The following RUNX1T1 variants were observed in gnomAD, a reference collection of about 807,000 sequenced individuals.
The protein encoded by RUNX1T1 is RUNX1 partner transcriptional co-repressor 1.
Under a neutral mutation model 62.8 loss-of-function variants are expected in RUNX1T1, and 4 were observed. That is an observed-to-expected ratio of 0.06 (90% CI 0.03 to 0.15). The LOEUF (loss-of-function observed/expected upper bound fraction) is 0.15, where lower values mean the gene tolerates loss of function less well. Ranked by LOEUF, RUNX1T1 falls within the 10% of genes least tolerant of loss-of-function variation. RUNX1T1 has a pLI of 1.00. For missense variants in RUNX1T1, 508 were observed against 754.3 expected, an observed-to-expected ratio of 0.67 and a Z score of 3.82; for synonymous variants, 291 against 286.0, an observed-to-expected ratio of 1.02 and a Z score of -0.18.
At chr8:92,088,953 G>A (rs536258579) in intron 1 of RUNX1T1, among the ~76,000 whole-genome samples, 1 of 152,266 alleles carries the variant, frequency 6.6e-6, no homozygotes, top group African/African-American at 2.4e-5. Context: ...TTGTGGCAAA[G>A]AACTTCAATT....
rs546007384 is a variant in RUNX1T1 at position 91,965,869 on chromosome 8, G to A, written c.1458+4789C>T. ...TTTTTCTTCTCCGTTTTCCTCTTTC[G>A]TTCTTACATAGACACACTGCTCATT... On this transcript the variant is annotated intron_variant, in intron 10 of 10. Coordinates refer to ENST00000396218, the Ensembl canonical transcript of RUNX1T1. Among the ~76,000 whole-genome samples the A allele has an allele frequency of 6.6e-5, 10 of 151,794 alleles. No homozygotes were observed. In the South Asian group the frequency reaches 8.3e-4, roughly 13 times the overall value.
At chr8:91,994,755 ACTT>A (rs973242320) in intron 5 of RUNX1T1, 2 of 326,874 alleles carry the variant, frequency 6.1e-6, no homozygotes, top group Non-Finnish European at 1.2e-5. Flanking sequence ...AGAGGAACCC[ACTT>A]CTTATTATTT....
chr8:92,083,868 G>C (rs562211410), intron 1 of RUNX1T1, among the ~76,000 whole-genome samples: 1 of 152,286 alleles, frequency 6.6e-6, no homozygotes, highest in South Asian at 2.1e-4. Context: ...ATCAATGACA[G>C]ACCGGATAAA....
exon 3 of RUNX1T1, chr8:92,014,694 C>A (rs779269156): frequency 6.2e-7 from 1 of 1,614,088 alleles, no homozygotes; most frequent in South Asian, 1.1e-5. Flanking sequence ...CCTGGCACCA[C>A]AGGCTGGGGG....
At chr8:91,994,000 CA>C (rs1409921679) in intron 5 of RUNX1T1, among the ~76,000 whole-genome samples, 2 of 151,902 alleles carry the variant, frequency 1.3e-5, no homozygotes, top group African/African-American at 4.8e-5. Context: ...CTTAAAACAA[CA>C]ACAACAACAA....
At chr8:91,956,531 G>T (rs912752343), downstream of RUNX1T1, 17 of 220,420 alleles carry the variant, frequency 7.7e-5, no homozygotes, top group Admixed American at 5.8e-5. Flanking sequence ...ACACAGTAAA[G>T]AATACAACAA....
chr8:92,078,788 T>A (rs191247137), intron 1 of RUNX1T1, among the ~76,000 whole-genome samples: 7 of 152,320 alleles, frequency 4.6e-5, no homozygotes, highest in Admixed American at 4.6e-4. Context: ...ACAGAAAACC[T>A]TAATCACAGA....
intron 9 of RUNX1T1, among the ~76,000 whole-genome samples, chr8:91,974,677 C>T (rs926282268): frequency 2.6e-5 from 4 of 152,104 alleles, no homozygotes; most frequent in Admixed American, 6.6e-5. Context: ...ATGACTATTA[C>T]AGTAAATCTG....
chr8:92,027,302 C>G (rs1397677777), intron 1 of RUNX1T1, among the ~76,000 whole-genome samples: 1 of 152,076 alleles, frequency 6.6e-6, no homozygotes, highest in African/African-American at 2.4e-5. Flanking sequence ...TTAGAAAGCT[C>G]AGTTATAAAA....
chr8:92,068,840 CAT>C (rs1391900336), intron 2 of RUNX1T1, among the ~76,000 whole-genome samples: 1 of 152,162 alleles, frequency 6.6e-6, no homozygotes, highest in Non-Finnish European at 1.5e-5. Flanking sequence ...CCTATGAATA[CAT>C]GAGATACCTT....
intron 1 of RUNX1T1, chr8:92,095,641 G>GACAGGCAGGAGGTAAGGAGAGAC: frequency 7.9e-7 from 1 of 1,273,546 alleles, no homozygotes. Context: ...GACAGAAAGG[G>GACAGGCAGGAGGTAAGGAGAGAC]ACAGGCAGGA....
downstream of RUNX1T1, chr8:91,957,021 A>ACAGTCT (rs899240499): frequency 4.6e-6 from 1 of 217,476 alleles, no homozygotes; most frequent in Non-Finnish European, 9.2e-6. Flanking sequence ...CCTGTCACAC[A>ACAGTCT]CAGTCTCATG....
At chr8:92,047,103 A>T (rs981438779) in intron 1 of RUNX1T1, among the ~76,000 whole-genome samples, 4 of 151,894 alleles carry the variant, frequency 2.6e-5, no homozygotes, top group African/African-American at 9.7e-5. Context: ...GCCTTCAAGA[A>T]CCCTCCATGA....
upstream of RUNX1T1, among the ~76,000 whole-genome samples, chr8:92,102,272 A>G (rs941206949): frequency 1.8e-4 from 27 of 152,290 alleles, no homozygotes; most frequent in African/African-American, 5.8e-4. This position sits in a 1 kb window ranked among gnomAD's most constrained non-coding sequence, Gnocchi z 4.5. Context: ...GAAAGTTCGC[A>G]GGCAGGCGCA....
upstream of RUNX1T1, among the ~76,000 whole-genome samples, chr8:92,065,468 AT>A (rs1563884691): frequency 6.6e-6 from 1 of 152,224 alleles, no homozygotes; most frequent in Non-Finnish European, 1.5e-5. Flanking sequence ...AACACAGTCC[AT>A]TTTTAAGGCA....
Position 91,976,059 on chromosome 8 carries a change from T to C in RUNX1T1, c.1199-86A>G, listed in dbSNP as rs1335226516. The stretch of plus-strand genomic sequence containing the variant: ...CATCGCACAGAGTGAAAGTAAGCAA[T>C]GCCCATTCTCCTGGCTTCTCTACAA... On this transcript the variant is annotated intron_variant, in intron 8 of 10. Transcript: ENST00000396218. 6 of 915,296 alleles carry C rather than the reference T, an allele frequency of 6.6e-6. No homozygotes were observed. In the African/African-American group the frequency reaches 8.2e-5, roughly 13 times the overall value. 56.7% of individuals were successfully genotyped at this position (915,296 alleles called of 1,614,324 possible). A position where few individuals can be genotyped will look rare whatever the true frequency, so the allele number is the denominator to read the frequency against.
At chr8:92,046,101 C>G (rs1014201648) in intron 1 of RUNX1T1, among the ~76,000 whole-genome samples, 1 of 152,038 alleles carries the variant, frequency 6.6e-6, no homozygotes, top group Admixed American at 6.5e-5. Context: ...CCCTACCTGC[C>G]GACTCATGTA....
At chr8:91,963,183 T>C (rs1810882980) in intron 10 of RUNX1T1, among the ~76,000 whole-genome samples, 1 of 152,200 alleles carries the variant, frequency 6.6e-6, no homozygotes, top group South Asian at 2.1e-4. Context: ...TTGCATAGTA[T>C]TGTCTGGTTC....
rs7822933 is a variant in RUNX1T1 at position 91,999,739 on chromosome 8, T to C, written c.659+5377A>G. On this transcript the variant is annotated intron_variant, in intron 5 of 10. Transcript: ENST00000396218. ...CAGCATATCTGAAGTGTTCAGTAAATAGTAACCATTATTATATTATTTATA... is the reference window on the plus strand; with the variant it reads ...CAGCATATCTGAAGTGTTCAGTAAACAGTAACCATTATTATATTATTTATA... Among the ~76,000 whole-genome samples the C allele has an allele frequency of 3.1e-3, 476 of 152,304 alleles. 1 individual carries two copies. The highest frequency in any genetic ancestry group is 0.011 in the African/African-American group (446 of 41,566).
Sources: gnomAD v4.1 joint callset for allele counts (sites outside exome capture counted in the v4.1 genomes callset) on GRCh38, gnomAD v4.1.1 for gene constraint, Gnocchi (gnomAD v3.1) non-coding constraint, MANE v1.5 for transcripts, NCBI Gene and HGNC (gene_info 2026-07-23, HGNC 2026-07-21) for gene names.